CSMD3: variants seen among roughly 807,000 people sequenced by gnomAD.
The protein encoded by CSMD3 is CUB and Sushi multiple domains 3, also known as CUB and sushi domain-containing protein 3.
Under a neutral mutation model 435.2 loss-of-function variants are expected in CSMD3, and 177 were observed. That is an observed-to-expected ratio of 0.41 (90% CI 0.36 to 0.46). CSMD3 has a LOEUF of 0.46. Among genes scored for constraint, CSMD3 ranks in the 20% least tolerant of loss-of-function variants. CSMD3 has a pLI of 0.34. For missense variants in CSMD3, 4,265 were observed against 4,504.6 expected, an observed-to-expected ratio of 0.95 and a Z score of 1.52; for synonymous variants, 1,656 against 1,520.5, an observed-to-expected ratio of 1.09 and a Z score of -2.07.
At chr8:113,406,726 T>C (rs7002354) in intron 1 of CSMD3, among the ~76,000 whole-genome samples, 116,058 of 151,844 alleles carry the variant, frequency 0.76, 44,737 homozygotes, top group East Asian at 0.94. Flanking sequence ...ACAGAGTATA[T>C]GTCCTAATTT....
At chr8:113,149,692 T>TAAATTTA (rs2091761263) in intron 4 of CSMD3, among the ~76,000 whole-genome samples, 1 of 151,944 alleles carries the variant, frequency 6.6e-6, no homozygotes, top group Non-Finnish European at 1.5e-5. Flanking sequence ...GGTATATTTC[T>TAAATTTA]CTAAAATATA....
chr8:112,915,830 T>A (rs573058257), intron 10 of CSMD3, among the ~76,000 whole-genome samples: 65 of 151,986 alleles, frequency 4.3e-4, no homozygotes, highest in Non-Finnish European at 8.7e-4. Context: ...TTAAAATTTT[T>A]AAAAATTATT....
chr8:112,789,471 T>A (rs1217133303), intron 13 of CSMD3, among the ~76,000 whole-genome samples: 2 of 152,022 alleles, frequency 1.3e-5, no homozygotes, highest in Admixed American at 1.3e-4. Context: ...AAACAATTAT[T>A]TAAATAAATG....
chr8:112,524,403 A>G (rs945072905), intron 27 of CSMD3, among the ~76,000 whole-genome samples: 2 of 152,002 alleles, frequency 1.3e-5, no homozygotes, highest in African/African-American at 2.4e-5. Context: ...GACACTATAC[A>G]GTATTTGTAT....
At chr8:112,258,466 G>A (rs1033186245) in intron 61 of CSMD3, among the ~76,000 whole-genome samples, 16 of 152,138 alleles carry the variant, frequency 1.1e-4, no homozygotes, top group Admixed American at 5.2e-4. Context: ...AGTGGACAAA[G>A]GATATGAACA....
At chr8:112,678,383 T>G (rs550854424) in intron 16 of CSMD3, among the ~76,000 whole-genome samples, 2 of 152,234 alleles carry the variant, frequency 1.3e-5, no homozygotes, top group East Asian at 3.9e-4. Flanking sequence ...GAAGAAGTAT[T>G]AAAAGATTGG....
chr8:112,587,317 T>C (rs1432922167), intron 22 of CSMD3, 82 bp from the exon 23 acceptor site: 1 of 1,041,446 alleles, frequency 9.6e-7, no homozygotes, highest in East Asian at 2.4e-5. Flanking sequence ...GGAAGTGTTA[T>C]GCATTTTATT....
At position 112,952,614 on chromosome 8, in the gene CSMD3, G is replaced by C. The variant is rs1237032324; in HGVS notation, c.1420+2070C>G. Among the ~76,000 whole-genome samples, 7 of 151,288 alleles carry C rather than the reference G, an allele frequency of 4.6e-5. No homozygotes were observed. The East Asian group carries it at 1.4e-3, about 29-fold the overall frequency. On this transcript the variant is annotated intron_variant, in intron 8 of 70. Transcript: ENST00000297405. ...TTAAATACTTTAGAAACAAATTATA[G>C]TAAAATGAAATTTAAAATAATGTTG...
At chr8:112,840,331 A>G (rs758287293) in intron 11 of CSMD3, among the ~76,000 whole-genome samples, 12 of 151,798 alleles carry the variant, frequency 7.9e-5, no homozygotes, top group Non-Finnish European at 1.5e-4. Context: ...CGAACTCAAG[A>G]TATCTTTCCA....
At chr8:113,103,651 T>C (rs1394268) in intron 4 of CSMD3, among the ~76,000 whole-genome samples, 102,140 of 151,882 alleles carry the variant, frequency 0.67, 35,962 homozygotes, top group East Asian at 0.95. Flanking sequence ...AAAATGTTAG[T>C]AAACATCATT....
At chr8:113,252,473 T>C (rs2093343416) in intron 3 of CSMD3, among the ~76,000 whole-genome samples, 1 of 152,150 alleles carries the variant, frequency 6.6e-6, no homozygotes. Context: ...TTTTTACCGT[T>C]TTCTTCAATC....
At chr8:113,096,857 T>C (rs2090178559) in intron 5 of CSMD3, among the ~76,000 whole-genome samples, 1 of 152,130 alleles carries the variant, frequency 6.6e-6, no homozygotes, top group Non-Finnish European at 1.5e-5. Flanking sequence ...TTTGCTCAAA[T>C]ATCAACTTTA....
chr8:113,275,586 T>A (rs575770389), intron 3 of CSMD3, among the ~76,000 whole-genome samples: 1 of 152,066 alleles, frequency 6.6e-6, no homozygotes, highest in African/African-American at 2.4e-5. Context: ...TAAATACTAA[T>A]ACACAAGGAC....
At chr8:112,854,856 C>T (rs756475182) in intron 11 of CSMD3, among the ~76,000 whole-genome samples, 2 of 152,130 alleles carry the variant, frequency 1.3e-5, no homozygotes, top group African/African-American at 4.8e-5. Context: ...TTATTCTCTT[C>T]AATATCCACC....
intron 13 of CSMD3, among the ~76,000 whole-genome samples, chr8:112,711,841 G>A (rs2076616019): frequency 6.6e-6 from 1 of 152,010 alleles, no homozygotes; most frequent in Non-Finnish European, 1.5e-5. Context: ...GCAGCTCACT[G>A]AGGCCTCCAA....
chr8:113,033,441 C>T (rs1299780052), intron 5 of CSMD3, among the ~76,000 whole-genome samples: 1 of 151,596 alleles, frequency 6.6e-6, no homozygotes, highest in Non-Finnish European at 1.5e-5. Context: ...TAATGACTGC[C>T]CCAACAGGGT....
chr8:113,216,162 A>G (rs750586363), intron 3 of CSMD3, among the ~76,000 whole-genome samples: 11 of 151,892 alleles, frequency 7.2e-5, no homozygotes, highest in Non-Finnish European at 1.6e-4. Context: ...AAATCTAAAA[A>G]AAATCCATAA....
intron 3 of CSMD3, among the ~76,000 whole-genome samples, chr8:113,179,845 A>ACTTGT: frequency 6.6e-6 from 1 of 151,854 alleles, no homozygotes. Context: ...ATTAATACTA[A>ACTTGT]TAAACATGTT....
At chr8:112,794,811 T>A (rs145485711) in intron 13 of CSMD3, among the ~76,000 whole-genome samples, 109 of 152,122 alleles carry the variant, frequency 7.2e-4, no homozygotes, top group Non-Finnish European at 1.3e-3. Context: ...AAGTAAAATA[T>A]CGGTATGCTA....
Sources: allele counts gnomAD v4.1 joint callset (sites outside exome capture counted in the v4.1 genomes callset), GRCh38; gene constraint gnomAD v4.1.1; transcripts MANE v1.5; gene names NCBI Gene and HGNC (gene_info 2026-07-23, HGNC 2026-07-21).